Variants in PPFIA2 observed in about 807,000 individuals in gnomAD.
The protein encoded by PPFIA2 is liprin-alpha-2.
Under a neutral mutation model 175.5 loss-of-function variants are expected in PPFIA2, and 46 were observed. That is an observed-to-expected ratio of 0.26 (90% CI 0.21 to 0.34). The LOEUF is 0.34. Among genes scored for constraint, PPFIA2 ranks in the 10% least tolerant of loss-of-function variants. PPFIA2 has a pLI of 1.00. For synonymous variants in PPFIA2, 568 were observed against 511.4 expected (o/e 1.11, Z -1.49); for missense variants, 1,179 against 1,506.1 (o/e 0.78, Z 3.60).
intron 3 of PPFIA2, among the ~76,000 whole-genome samples, chr12:81,690,909 T>C (rs759877563): frequency 1.3e-5 from 2 of 152,144 alleles, no homozygotes; most frequent in Non-Finnish European, 1.5e-5. Context: ...TCTAGTTCTA[T>C]GTTCACATCT....
At chr12:81,609,700 G>A (rs781625251) in intron 4 of PPFIA2, among the ~76,000 whole-genome samples, 1 of 152,124 alleles carries the variant, frequency 6.6e-6, no homozygotes, top group African/African-American at 2.4e-5. Context: ...GAAGAAAGCA[G>A]AAGGTTGAAT....
chr12:81,452,084 T>C lies in PPFIA2; in HGVS notation c.405+5681A>G, dbSNP rs185820665. ...CAGGTTCTATGTGTATACACACATA[T>C]GTATCATATATTCACACACAGACAC... On this transcript the variant is annotated intron_variant, in intron 5 of 32. Coordinates refer to ENST00000549396, the MANE Select transcript of PPFIA2 (RefSeq NM_003625.5). Among the ~76,000 whole-genome samples the C allele has an allele frequency of 3.4e-4, 51 of 152,206 alleles. No homozygotes were observed. In the Middle Eastern group the frequency reaches 0.017, roughly 51 times the overall value.
At chr12:81,305,949 C>G (rs974696007) in intron 22 of PPFIA2, among the ~76,000 whole-genome samples, 1 of 152,178 alleles carries the variant, frequency 6.6e-6, no homozygotes, top group East Asian at 1.9e-4. Flanking sequence ...TGGTTTATCT[C>G]TGTCAGTGAA....
intron 11 of PPFIA2, among the ~76,000 whole-genome samples, chr12:81,373,945 A>C (rs2035784975): frequency 6.6e-6 from 1 of 152,010 alleles, no homozygotes; most frequent in Non-Finnish European, 1.5e-5. Flanking sequence ...GTTTTATATA[A>C]CTTGTGACAT....
chr12:81,293,962 A>G (rs760220225), intron 24 of PPFIA2, among the ~76,000 whole-genome samples: 5 of 152,208 alleles, frequency 3.3e-5, no homozygotes, highest in African/African-American at 4.8e-5. Flanking sequence ...CAGTCATAAA[A>G]AAGAATAAAC....
chr12:81,670,021 C>T (rs1050256116), intron 4 of PPFIA2, among the ~76,000 whole-genome samples: 1 of 151,882 alleles, frequency 6.6e-6, no homozygotes, highest in Non-Finnish European at 1.5e-5. Flanking sequence ...AAGACAAAGC[C>T]GAATTATGAC....
chr12:81,419,868 T>C (rs2045945148), intron 7 of PPFIA2, among the ~76,000 whole-genome samples: 1 of 152,146 alleles, frequency 6.6e-6, no homozygotes, highest in South Asian at 2.1e-4. Context: ...CATTGTTCGA[T>C]GTATGTTCAC....
intron 4 of PPFIA2, among the ~76,000 whole-genome samples, chr12:81,523,411 A>G (rs1390717270): frequency 1.3e-5 from 2 of 152,156 alleles, no homozygotes; most frequent in Non-Finnish European, 2.9e-5. Context: ...TATCTTCCTA[A>G]TTAAAAACAC....
At chr12:81,384,906 C>T (rs1303213177) in intron 8 of PPFIA2, among the ~76,000 whole-genome samples, 1 of 151,984 alleles carries the variant, frequency 6.6e-6, no homozygotes, top group Non-Finnish European at 1.5e-5. Context: ...TTTCTTCTTT[C>T]CGAAAGGACT....
intron 7 of PPFIA2, among the ~76,000 whole-genome samples, chr12:81,423,831 C>A (rs1460053968): frequency 6.6e-6 from 1 of 152,020 alleles, no homozygotes; most frequent in East Asian, 1.9e-4. Flanking sequence ...TGACCACAGA[C>A]ATAAAAAACT....
chr12:81,422,653 T>A, intron 7 of PPFIA2, among the ~76,000 whole-genome samples: 1 of 151,882 alleles, frequency 6.6e-6, no homozygotes, highest in Non-Finnish European at 1.5e-5. Context: ...AACCCTCAGA[T>A]CTCATGAGAC....
At chr12:81,464,884 G>A (rs199648915) in intron 4 of PPFIA2, among the ~76,000 whole-genome samples, 5 of 145,596 alleles carry the variant, frequency 3.4e-5, no homozygotes, top group Admixed American at 6.9e-5. Context: ...AATAGAGCTG[G>A]AAAAAAAAAA....
intron 4 of PPFIA2, among the ~76,000 whole-genome samples, chr12:81,668,533 C>T (rs12826173): frequency 0.31 from 46,520 of 151,886 alleles, 9,540 homozygotes; most frequent in African/African-American, 0.59. Flanking sequence ...TATCAAAATA[C>T]GAAAATACCA....
intron 4 of PPFIA2, among the ~76,000 whole-genome samples, chr12:81,522,770 C>T (rs1270489371): frequency 2.6e-5 from 4 of 152,122 alleles, no homozygotes; most frequent in Non-Finnish European, 4.4e-5. Flanking sequence ...GGTTTTTCTC[C>T]AGCTTGCTTT....
intron 8 of PPFIA2, among the ~76,000 whole-genome samples, chr12:81,405,097 G>A (rs928354402): frequency 2.6e-5 from 4 of 152,150 alleles, no homozygotes; most frequent in African/African-American, 7.2e-5. Context: ...TTGGAAAGAG[G>A]TGGTCCAGCA....
intron 3 of PPFIA2, among the ~76,000 whole-genome samples, chr12:81,680,359 G>T (rs1448270396): frequency 6.6e-6 from 1 of 151,860 alleles, no homozygotes; most frequent in East Asian, 1.9e-4. Flanking sequence ...TCACTTAAAA[G>T]GTTAGATAGT....
chr12:81,642,731 GTATA>G (rs376782895), intron 4 of PPFIA2, among the ~76,000 whole-genome samples: 208 of 5,274 alleles, frequency 0.039, 73 homozygotes, highest in African/African-American at 0.13. Context: ...ATACATACAT[GTATA>G]TGTATGTATG....
intron 22 of PPFIA2, chr12:81,302,167 T>C (rs772468463): frequency 4.8e-6 from 2 of 413,560 alleles, no homozygotes; most frequent in South Asian, 3.5e-5. Flanking sequence ...GTAGTCCAAA[T>C]AGCTTTTTCT....
intron 3 of PPFIA2, among the ~76,000 whole-genome samples, chr12:81,719,288 T>C (rs865866165): frequency 2.0e-5 from 3 of 151,584 alleles, no homozygotes; most frequent in Non-Finnish European, 3.0e-5. Flanking sequence ...TTCAAAAATA[T>C]TTTTATGTTC....
Sources: allele counts gnomAD v4.1 joint callset (sites outside exome capture counted in the v4.1 genomes callset), GRCh38; gene constraint gnomAD v4.1.1; transcripts MANE v1.5; gene names NCBI Gene and HGNC (gene_info 2026-07-23, HGNC 2026-07-21).